Variants in CUX2 observed in about 807,000 individuals in gnomAD.
The protein encoded by CUX2 is homeobox protein cut-like 2.
Under a neutral mutation model 144.8 loss-of-function variants are expected in CUX2, and 40 were observed. The observed-to-expected ratio is 0.28, with a 90% CI of 0.21 to 0.36. The LOEUF (loss-of-function observed/expected upper bound fraction) is 0.36. Among genes scored for constraint, CUX2 ranks in the 10% least tolerant of loss-of-function variants. The pLI is 1.00. For missense variants in CUX2, 1,615 were observed against 1,994.0 expected (o/e 0.81, Z 3.62); for synonymous variants, 827 against 875.6 (o/e 0.94, Z 0.98).
chr12:111,100,871 AGTAGAGCCCTCCCTGGGC>A (rs1873188655), intron 1 of CUX2, among the ~76,000 whole-genome samples: 1 of 152,176 alleles, frequency 6.6e-6, no homozygotes, highest in Non-Finnish European at 1.5e-5. Flanking sequence ...GGGAGCCCCC[AGTAGAGCCCTCCCTGGGC>A]AGCTCAGCTT....
At chr12:111,315,490 A>G (rs376755207) in intron 16 of CUX2, among the ~76,000 whole-genome samples, 4 of 152,230 alleles carry the variant, frequency 2.6e-5, no homozygotes, top group Admixed American at 2.0e-4. Flanking sequence ...AGGCCAAGAC[A>G]GATGGATCAC....
At chr12:111,342,144 C>A in intron 21 of CUX2, 91 bp downstream of exon 21, 1 of 1,442,496 alleles carries the variant, frequency 6.9e-7, no homozygotes, top group Non-Finnish European at 9.4e-7. Flanking sequence ...CCCCACATGG[C>A]CTCTGGGAGA....
chr12:111,305,931 T>C (rs1170319750), intron 10 of CUX2, among the ~76,000 whole-genome samples: 1 of 152,164 alleles, frequency 6.6e-6, no homozygotes, highest in Non-Finnish European at 1.5e-5. Flanking sequence ...TGTTAGTGTG[T>C]GCTGTGGCTA....
intron 2 of CUX2, among the ~76,000 whole-genome samples, chr12:111,216,340 A>T (rs1881529319): frequency 6.6e-6 from 1 of 152,202 alleles, no homozygotes; most frequent in Non-Finnish European, 1.5e-5. Context: ...GAACTGAGAG[A>T]TGGTTTCTGA....
intron 1 of CUX2, among the ~76,000 whole-genome samples, chr12:111,062,103 G>A (rs932595932): frequency 6.6e-6 from 1 of 152,192 alleles, no homozygotes; most frequent in African/African-American, 2.4e-5. Context: ...TGCTATAGCC[G>A]CCGGCGGGTC....
chr12:111,185,469 G>A lies in CUX2; in HGVS notation c.64-28731G>A, dbSNP rs190523885. Among the ~76,000 whole-genome samples, 72 of 152,350 alleles carry A rather than the reference G, an allele frequency of 4.7e-4. No homozygotes were observed. The East Asian group carries it at 8.1e-3, about 17-fold the overall frequency. On this transcript the variant is annotated intron_variant, in intron 1 of 21. Coordinates refer to ENST00000261726, the MANE Select transcript of CUX2 (RefSeq NM_015267.4). ...ACCCAGAGCAGGGACAGGTGTCGGCGTAATCGTGTACTGAAACCGCTGAGC... is the reference window on the plus strand; with the variant it reads ...ACCCAGAGCAGGGACAGGTGTCGGCATAATCGTGTACTGAAACCGCTGAGC...
intron 1 of CUX2, among the ~76,000 whole-genome samples, chr12:111,115,792 G>A (rs573002861): frequency 6.6e-6 from 1 of 152,114 alleles, no homozygotes; most frequent in African/African-American, 2.4e-5. Context: ...AATTATTAAT[G>A]TGAGTATCTG....
In CUX2 at chr12:111,228,755, GA is replaced by G. The variant is rs1010121757; in HGVS notation, c.222+10827del. Among the ~76,000 whole-genome samples, 12 of 151,532 alleles carry G rather than the reference GA, an allele frequency of 7.9e-5. No homozygotes were observed. In the East Asian group the frequency reaches 9.7e-4, roughly 12 times the overall value. ...ACTATGTTTTTTATTGCATTTGGTT[GA>G]AAAAAAAATTCTGTGTGTCAGCAGA... On this transcript the variant is annotated intron_variant, in intron 3 of 21. Coordinates refer to ENST00000261726, the MANE Select transcript of CUX2 (RefSeq NM_015267.4).
At chr12:111,183,410 C>T (rs1472199957) in intron 1 of CUX2, among the ~76,000 whole-genome samples, 2 of 152,254 alleles carry the variant, frequency 1.3e-5, no homozygotes, top group East Asian at 1.9e-4. Context: ...TTAACATCAC[C>T]AGAGAATTCT....
intron 20 of CUX2, among the ~76,000 whole-genome samples, chr12:111,338,790 G>A (rs1401194788): frequency 6.6e-6 from 1 of 152,076 alleles, no homozygotes; most frequent in Non-Finnish European, 1.5e-5. Context: ...AGGATCACTT[G>A]GGAGGCTAAG....
At position 111,348,375 on chromosome 12, in the gene CUX2, C is replaced by A; in HGVS notation, c.*50C>A. On this transcript the variant is annotated 3_prime_UTR_variant, in exon 22 of 22. Coordinates refer to ENST00000261726, the MANE Select transcript of CUX2 (RefSeq NM_015267.4). The stretch of plus-strand genomic sequence containing the variant: ...ATACCCTGGTAACTACCTTCCTTCT[C>A]GCACTTACTCTCCTCAACAGGATGG... 6.6e-7 allele frequency: 1 copy of A among 1,508,928 alleles called. No individual in the cohort carries two copies. Among genetic ancestry groups the A allele is most frequent in the South Asian group, 1.2e-5 (1 of 82,302 alleles). 93.5% of individuals were successfully genotyped at this position (1,508,928 alleles called of 1,614,324 possible).
At chr12:111,215,516 G>A (rs930245868) in intron 2 of CUX2, among the ~76,000 whole-genome samples, 4 of 152,342 alleles carry the variant, frequency 2.6e-5, no homozygotes, top group African/African-American at 9.6e-5. Context: ...TCTACATGGA[G>A]AAGGGGCATG....
chr12:111,166,612 C>T (rs919989122), intron 1 of CUX2, among the ~76,000 whole-genome samples: 2 of 152,088 alleles, frequency 1.3e-5, no homozygotes, highest in African/African-American at 4.8e-5. Context: ...CTGGTTTGCA[C>T]AGCTGCTTGA....
intron 1 of CUX2, among the ~76,000 whole-genome samples, chr12:111,210,223 A>G (rs1189347094): frequency 6.6e-6 from 1 of 152,186 alleles, no homozygotes; most frequent in Non-Finnish European, 1.5e-5. Flanking sequence ...ATATAGTGCC[A>G]TGAGCTTTTT....
chr12:111,311,858 A>G (rs1261331289), intron 15 of CUX2, among the ~76,000 whole-genome samples: 1 of 152,146 alleles, frequency 6.6e-6, no homozygotes, highest in Non-Finnish European at 1.5e-5. Context: ...TCGGACTCCC[A>G]GAGTGCTGGG....
intron 4 of CUX2, among the ~76,000 whole-genome samples, chr12:111,284,078 C>G (rs1348357654): frequency 6.6e-6 from 1 of 152,150 alleles, no homozygotes; most frequent in African/African-American, 2.4e-5. Flanking sequence ...GGGCCTTTCC[C>G]TACTAAATCC....
intron 9 of CUX2, among the ~76,000 whole-genome samples, chr12:111,300,151 C>T (rs770006696): frequency 6.6e-6 from 1 of 152,164 alleles, no homozygotes; most frequent in African/African-American, 2.4e-5. Context: ...GGCAGGGTCT[C>T]ACTTTGTCAT....
intron 4 of CUX2, among the ~76,000 whole-genome samples, chr12:111,267,824 C>G (rs1033357282): frequency 6.6e-6 from 1 of 152,106 alleles, no homozygotes; most frequent in Admixed American, 6.6e-5. Context: ...CTCTCTCTCT[C>G]CTTTTAAAAA....
intron 4 of CUX2, among the ~76,000 whole-genome samples, chr12:111,274,791 G>A (rs922024230): frequency 6.6e-6 from 1 of 152,158 alleles, no homozygotes; most frequent in African/African-American, 2.4e-5. Flanking sequence ...TATTTTGGAG[G>A]GGTGCACGCA....
Sources: gnomAD v4.1 joint callset for allele counts (sites outside exome capture counted in the v4.1 genomes callset) on GRCh38, gnomAD v4.1.1 for gene constraint, MANE v1.5 for transcripts, NCBI Gene and HGNC (gene_info 2026-07-23, HGNC 2026-07-21) for gene names.